Variants in TAF1 observed in about 807,000 individuals in gnomAD.
The protein encoded by TAF1 is TATA-box binding protein associated factor 1, also known as transcription initiation factor TFIID subunit 1.
TAF1 carries 2 observed loss-of-function variants against 138.5 expected under a neutral mutation model. The ratio of observed to expected loss-of-function variants is 0.01; its 90% confidence interval spans 0.01 to 0.05. TAF1 has a LOEUF of 0.05. Among genes scored for constraint, TAF1 ranks in the 10% least tolerant of loss-of-function variants. The pLI is 1.00. For synonymous variants in TAF1, 437 were observed against 503.2 expected, an observed-to-expected ratio of 0.87 and a Z score of 1.76; for missense variants, 709 against 1,478.0, an observed-to-expected ratio of 0.48 and a Z score of 8.53.
chrX:71,437,160 T>C (rs2037186131), intron 32 of TAF1, among the ~76,000 whole-genome samples: 1 of 111,937 alleles, frequency 8.9e-6, no homozygotes, highest in Non-Finnish European at 1.9e-5. Flanking sequence ...ATTGTCGATA[T>C]TCAATATAAA....
chrX:71,445,298 CAAA>C (rs41356545), intron 32 of TAF1, among the ~76,000 whole-genome samples: 2 of 36,965 alleles, frequency 5.4e-5, no homozygotes, highest in Admixed American at 3.6e-4. Flanking sequence ...AGACTCATCT[CAAA>C]AAAAAAAAAA....
At chrX:71,434,046 A>G (rs910564089) in intron 32 of TAF1, among the ~76,000 whole-genome samples, 5 of 112,306 alleles carry the variant, frequency 4.5e-5, no homozygotes, top group South Asian at 7.4e-4. Context: ...GCCATATAAT[A>G]TGATCCTGCC....
At chrX:71,423,780 C>T (rs1168354676) in intron 30 of TAF1, among the ~76,000 whole-genome samples, 194 bp from the exon 31 acceptor site, 1 of 111,676 alleles carries the variant, frequency 9.0e-6, no homozygotes, top group East Asian at 2.8e-4. Flanking sequence ...TGTTTTTATC[C>T]TATCATGGCA....
intron 1 of TAF1, among the ~76,000 whole-genome samples, chrX:71,366,998 C>T (rs995579490): frequency 8.9e-6 from 1 of 112,027 alleles, no homozygotes; most frequent in African/African-American, 3.2e-5. Context: ...GGTGGCTCTC[C>T]CAGCGTCTTC....
Position 71,387,258 on chromosome X carries a change from T to A in TAF1, c.2227-3T>A. 8.3e-7 allele frequency: 1 copy of A among 1,211,817 alleles called. No homozygotes were observed. The highest frequency in any genetic ancestry group is 1.1e-6 in the Non-Finnish European group (1 of 895,376). On this transcript the variant is annotated splice_polypyrimidine_tract_variant and splice_region_variant and intron_variant, in intron 14 of 37. Coordinates refer to ENST00000423759, the MANE Select transcript of TAF1 (RefSeq NM_004606.5). Reference sequence around the variant, plus strand: ...ATAATTTTTGTGTTTTTACTTTTGTTAGGCATTTGAGAACAACCTTTTTCG... The same window carrying A: ...ATAATTTTTGTGTTTTTACTTTTGTAAGGCATTTGAGAACAACCTTTTTCG...
intron 13 of TAF1, among the ~76,000 whole-genome samples, chrX:71,487,572 C>T (rs1189748933): frequency 9.0e-6 from 1 of 111,373 alleles, no homozygotes; most frequent in Non-Finnish European, 1.9e-5. Flanking sequence ...ATCCAACTGC[C>T]TTGGCCTCCC....
chrX:71,367,375 G>T, intron 1 of TAF1, 124 bp from the exon 2 acceptor site: 1 of 791,172 alleles, frequency 1.3e-6, no homozygotes, highest in Non-Finnish European at 1.9e-6. Flanking sequence ...TGCTTGTTTT[G>T]GCACACTGCA....
intron 13 of TAF1, among the ~76,000 whole-genome samples, chrX:71,483,607 A>G (rs1386551812): frequency 1.9e-5 from 2 of 107,415 alleles, no homozygotes; most frequent in East Asian, 5.8e-4. Context: ...ACAAACAAAT[A>G]AATAAATACA....
chrX:71,512,239 T>A (rs760940265), intron 13 of TAF1, among the ~76,000 whole-genome samples: 1 of 110,697 alleles, frequency 9.0e-6, no homozygotes, highest in East Asian at 2.9e-4. Context: ...GGCGTGCACC[T>A]GGGAGGCGGA....
intron 17 of TAF1, among the ~76,000 whole-genome samples, chrX:71,389,077 A>G (rs1381647910): frequency 1.8e-5 from 2 of 111,928 alleles, no homozygotes; most frequent in East Asian, 2.8e-4. Flanking sequence ...GTAGCTAAGT[A>G]TCAGTGGGAA....
At chrX:71,386,151 A>T (rs1264072773) in intron 14 of TAF1, among the ~76,000 whole-genome samples, 4 of 107,113 alleles carry the variant, frequency 3.7e-5, no homozygotes, top group Non-Finnish European at 3.9e-5. Context: ...ACAAGAGCGA[A>T]ACTCCATCTC....
At chrX:71,385,082 T>G in intron 14 of TAF1, 33 bp downstream of exon 14, 3 of 1,064,734 alleles carry the variant, frequency 2.8e-6, no homozygotes, top group Non-Finnish European at 3.9e-6. Flanking sequence ...TACTGTTAAC[T>G]AAGGAAATTG....
intron 13 of TAF1, among the ~76,000 whole-genome samples, chrX:71,504,948 A>G (rs1402354722): frequency 3.8e-5 from 4 of 106,379 alleles, no homozygotes; most frequent in Non-Finnish European, 7.7e-5. Context: ...TGGGCAACAT[A>G]ATGAAACCCC....
chrX:71,418,386 T>C (rs2036141255), intron 28 of TAF1, among the ~76,000 whole-genome samples: 2 of 112,867 alleles, frequency 1.8e-5, no homozygotes, highest in South Asian at 7.1e-4. Flanking sequence ...CGTGAGCCAC[T>C]GTGTCTGGCC....
chrX:71,504,741 CA>C (rs41370846), intron 13 of TAF1, among the ~76,000 whole-genome samples: 624 of 5,570 alleles, frequency 0.11, 1 homozygote, highest in East Asian at 0.18. Context: ...GACCCTGTCT[CA>C]AAAAAAAAAA....
chrX:71,469,316 G>GAAA (rs1326014095), downstream of TAF1, among the ~76,000 whole-genome samples: 1 of 111,574 alleles, frequency 9.0e-6, no homozygotes, highest in Non-Finnish European at 1.9e-5. Flanking sequence ...GGGAAATGGG[G>GAAA]AAAAGCTCAT....
In TAF1 at chrX:71,385,747, A is replaced by G. The variant is rs191455947; in HGVS notation, c.2226+698A>G. Among the ~76,000 whole-genome samples, 65 of 111,738 alleles carry G rather than the reference A, an allele frequency of 5.8e-4. 1 individual carries two copies. The highest frequency in any genetic ancestry group is 2.0e-3 in the African/African-American group (61 of 30,819). On this transcript the variant is annotated intron_variant, in intron 14 of 37. Coordinates refer to ENST00000423759, the MANE Select transcript of TAF1 (RefSeq NM_004606.5). ...TCTTTATCCTTTACATTCATAGTCTATTGCTAACCGGATGTTTAGTATCAT... is the reference window on the plus strand; with the variant it reads ...TCTTTATCCTTTACATTCATAGTCTGTTGCTAACCGGATGTTTAGTATCAT...
chrX:71,370,026 A>G (rs892876350), intron 3 of TAF1, among the ~76,000 whole-genome samples: 10 of 109,712 alleles, frequency 9.1e-5, no homozygotes, highest in Non-Finnish European at 1.5e-4. Flanking sequence ...GGAGTTCGAG[A>G]CCAGCCTAGG....
At chrX:71,384,515 A>G (rs377002904) in intron 13 of TAF1, among the ~76,000 whole-genome samples, 4 of 110,318 alleles carry the variant, frequency 3.6e-5, no homozygotes, top group South Asian at 3.9e-4. Flanking sequence ...GGTTTGGGCA[A>G]TTCTTCTGCC....
Sources: gnomAD v4.1 joint callset for allele counts (sites outside exome capture counted in the v4.1 genomes callset) on GRCh38, gnomAD v4.1.1 for gene constraint, MANE v1.5 for transcripts, NCBI Gene and HGNC (gene_info 2026-07-23, HGNC 2026-07-21) for gene names.